TREH: variants seen among roughly 807,000 people sequenced by gnomAD.
TREH encodes alpha,alpha-trehalose glucohydrolase.
A neutral mutation model predicts 80.5 loss-of-function variants in TREH; 69 were observed. That is an observed-to-expected ratio of 0.86 (90% CI 0.71 to 1.05). The LOEUF (loss-of-function observed/expected upper bound fraction) is 1.05, where lower values mean the gene tolerates loss of function less well. Ranked by LOEUF, TREH falls within the 50% of genes least tolerant of loss-of-function variation. The probability of loss-of-function intolerance (pLI) is 0.00; values close to 1 mark genes in which losing one functional copy is unlikely to be tolerated. For missense variants in TREH, 716 were observed against 718.8 expected (o/e 1.00, Z 0.04); for synonymous variants, 309 against 293.5 (o/e 1.05, Z -0.54).
intron 12 of TREH, 61 bp from the exon 13 acceptor site, chr11:118,659,078 C>T: frequency 1.3e-6 from 2 of 1,505,692 alleles, no homozygotes; most frequent in Non-Finnish European, 1.8e-6. Flanking sequence ...AGAGCAGTGG[C>T]TGCACCCTAC....
At chr11:118,659,649 C>A in intron 11 of TREH, 98 bp downstream of exon 11, 1 of 1,446,522 alleles carries the variant, frequency 6.9e-7, no homozygotes, top group Non-Finnish European at 9.4e-7. Flanking sequence ...GGACAAGGGG[C>A]ATAGCCGGAG....
intron 1 of TREH, among the ~76,000 whole-genome samples, chr11:118,673,898 C>A (rs1949452933): frequency 6.6e-6 from 1 of 152,208 alleles, no homozygotes; most frequent in African/African-American, 2.4e-5. Context: ...CATCCATAAG[C>A]CAAACAGCTT....
At chr11:118,664,047 A>G (rs1949354214) in intron 1 of TREH, among the ~76,000 whole-genome samples, 1 of 152,194 alleles carries the variant, frequency 6.6e-6, no homozygotes, top group Non-Finnish European at 1.5e-5. Flanking sequence ...CCTGAATAAA[A>G]TGGAAATGGT....
At chr11:118,666,009 G>A (rs561014787) in intron 1 of TREH, among the ~76,000 whole-genome samples, 12 of 152,302 alleles carry the variant, frequency 7.9e-5, no homozygotes, top group South Asian at 4.1e-4. Flanking sequence ...AGGCCAAGGC[G>A]GGTGGATCAG....
chr11:118,660,113 C>T (rs912932816), intron 10 of TREH, 149 bp from the exon 11 acceptor site: 1 of 784,830 alleles, frequency 1.3e-6, no homozygotes. Flanking sequence ...CGATCTGGAG[C>T]CCACCACATT....
rs373497819 is a variant in TREH at position 118,663,123 on chromosome 11, C to T, written c.264G>A (p.Ala88=). 1.9e-4 allele frequency: 309 copies of T among 1,613,990 alleles called. 4 individuals carry two copies. Among genetic ancestry groups the T allele is most frequent in the Middle Eastern group, 3.3e-4 (2 of 6,062 alleles). Residue 88 remains alanine, a synonymous_variant, in exon 3 of 15, where the codon GCG becomes GCA. Transcript: ENST00000264029. ...NHSIPREQLQ[A]FVHEHFQAKG... ...TGGCCTGGAAGTGTTCGTGGACAAA[C>T]GCCTGCAGCTGCTCCCTGGGGATGC... is the stretch of plus-strand genomic sequence containing the variant.
chr11:118,662,096 G>A (rs1949330468), intron 4 of TREH, 106 bp from the exon 5 acceptor site: 5 of 891,690 alleles, frequency 5.6e-6, no homozygotes, highest in South Asian at 2.9e-5. Flanking sequence ...TTGGAGCCAG[G>A]CAGTTGGGTT....
chr11:118,675,372 C>T, intron 1 of TREH, among the ~76,000 whole-genome samples: 1 of 152,142 alleles, frequency 6.6e-6, no homozygotes, highest in East Asian at 1.9e-4. Flanking sequence ...AGTGAGACGG[C>T]CTCACTTCTG....
chr11:118,679,033 C>T (rs544848867), intron 1 of TREH, among the ~76,000 whole-genome samples: 5 of 152,324 alleles, frequency 3.3e-5, no homozygotes, highest in Non-Finnish European at 7.3e-5. Flanking sequence ...CTCTGGCCAG[C>T]AGGCTCTTGG....
intron 1 of TREH, among the ~76,000 whole-genome samples, chr11:118,667,837 T>C (rs1555145808): frequency 2.0e-5 from 3 of 152,164 alleles, no homozygotes; most frequent in Admixed American, 2.0e-4. Context: ...TTAATCCTAT[T>C]TTTATCACCT....
intron 12 of TREH, 149 bp downstream of exon 12, chr11:118,659,220 AT>A (rs1949274063): frequency 1.2e-6 from 1 of 823,700 alleles, no homozygotes; most frequent in African/African-American, 1.7e-5. Context: ...CTGGGTGGAC[AT>A]AAGTGTCAAG....
Position 118,661,497 on chromosome 11 carries a change from GA to G in TREH, c.629del (p.Val210AlafsTer18). ...GGTAGTACACGCGCCCACCATTGGG[GA>G]CATGCCCATAGCTGCCAAGGGGAAG... Reference protein sequence around the residue: ...FLDLVKTYGHVPNGGRVYYLQ... With the variant: ...FLDLVKTYGHXPNGGRVYYLQ... On this transcript the variant is annotated frameshift_variant, in exon 7 of 15. Transcript: ENST00000264029. LOFTEE classifies it high-confidence loss of function. The surrounding 1 kb of genome is among the most constrained non-coding windows in gnomAD (Gnocchi z 4.2). 1 of 1,613,540 alleles carries G rather than the reference GA, an allele frequency of 6.2e-7. No individual in the cohort carries two copies. Among genetic ancestry groups the G allele is most frequent in the Non-Finnish European group, 8.5e-7 (1 of 1,179,696 alleles).
At chr11:118,662,798 C>A in intron 4 of TREH, 83 bp downstream of exon 4, 2 of 1,472,534 alleles carry the variant, frequency 1.4e-6, no homozygotes, top group Admixed American at 4.0e-5. Context: ...CTGATCTGTG[C>A]TCCGAAGACA....
Position 118,660,576 on chromosome 11 carries a change from T to A in TREH, c.1065A>T (p.Gln355His). The A allele has an allele frequency of 1.9e-6, 3 of 1,610,670 alleles. No individual in the cohort carries two copies. The highest frequency in any genetic ancestry group is 2.5e-6 in the Non-Finnish European group (3 of 1,178,416). The change falls in exon 10 of 15, where the codon CAA (glutamine) becomes CAT (histidine). Residue 355 changes from glutamine to histidine, a missense_variant. Gln to His is a conservative substitution (Grantham distance 24). Coordinates refer to ENST00000264029, the MANE Select transcript of TREH (RefSeq NM_007180.3). Reference sequence around the variant, plus strand: ...AGAAGTTGCTCATCAGCTCCTCTGCTTGGCATAGGAAGGCATTCAGGTCAA... The same window carrying A: ...AGAAGTTGCTCATCAGCTCCTCTGCATGGCATAGGAAGGCATTCAGGTCAA... ...VPVDLNAFLC[Q>H]AEELMSNFYS... is the part of the protein sequence containing the mutation.
intron 1 of TREH, among the ~76,000 whole-genome samples, chr11:118,677,952 TATATTCC>T (rs1949495852): frequency 6.6e-6 from 1 of 152,170 alleles, no homozygotes; most frequent in African/African-American, 2.4e-5. Context: ...TTTTCCCCTT[TATATTCC>T]ACAATTGTCA....
intron 11 of TREH, 23 bp downstream of exon 11, chr11:118,659,724 C>T (rs782524459): frequency 3.3e-5 from 52 of 1,557,202 alleles, no homozygotes; most frequent in Non-Finnish European, 4.2e-5. Flanking sequence ...GCAGTGGACC[C>T]GAGCCACCTG....
At chr11:118,670,460 CAAAG>C (rs1949420753) in intron 1 of TREH, among the ~76,000 whole-genome samples, 1 of 152,284 alleles carries the variant, frequency 6.6e-6, no homozygotes, top group Non-Finnish European at 1.5e-5. Flanking sequence ...TTATAACAGA[CAAAG>C]AGATAATATC....
chr11:118,658,609 G>T (rs1156366510), intron 14 of TREH, 71 bp downstream of exon 14: 6 of 1,543,062 alleles, frequency 3.9e-6, no homozygotes, highest in Non-Finnish European at 5.3e-6. Flanking sequence ...ACTGAGGCCT[G>T]GGGCGGGGGT....
rs1555144038 is a variant in TREH, at chr11:118,658,666, C to T, written c.1599+14G>A. ...GTTCCCTGGTGTTGGCCAGCCCACC[C>T]CTGGCCTGCTCACCTGAACTTCATA... is the stretch of plus-strand genomic sequence containing the variant. On this transcript the variant is annotated intron_variant, in intron 14 of 14. Transcript: ENST00000264029. 9 of 1,580,510 alleles carry T rather than the reference C, an allele frequency of 5.7e-6. No individual in the cohort carries two copies. The highest frequency in any genetic ancestry group is 1.2e-5 in the South Asian group (1 of 86,854).
Sources: allele counts gnomAD v4.1 joint callset (sites outside exome capture counted in the v4.1 genomes callset), GRCh38; gene constraint gnomAD v4.1.1; non-coding constraint Gnocchi (gnomAD v3.1); transcripts MANE v1.5; gene names NCBI Gene and HGNC (gene_info 2026-07-23, HGNC 2026-07-21).